PLA2G4F: variants seen among roughly 807,000 people sequenced by gnomAD.
The protein encoded by PLA2G4F is cytosolic phospholipase A2 zeta.
Under a neutral mutation model 103.1 loss-of-function variants are expected in PLA2G4F, and 105 were observed. The observed-to-expected ratio is 1.02, with a 90% CI of 0.87 to 1.20. The LOEUF (loss-of-function observed/expected upper bound fraction) is 1.20, where lower values mean the gene tolerates loss of function less well. Among genes scored for constraint, PLA2G4F ranks in the 50% most tolerant of loss-of-function variants. The pLI, the probability that PLA2G4F is intolerant of heterozygous loss-of-function variation, is 0.00. For synonymous variants in PLA2G4F, 468 were observed against 441.1 expected, an observed-to-expected ratio of 1.06 and a Z score of -0.76; for missense variants, 1,155 against 1,075.9, an observed-to-expected ratio of 1.07 and a Z score of -1.03.
intron 11 of PLA2G4F, chr15:42,149,227 C>T: frequency 3.2e-6 from 3 of 925,254 alleles, no homozygotes; most frequent in Non-Finnish European, 2.6e-6. Context: ...ACAGGGCCTA[C>T]AAGGAGGTAA....
chr15:42,154,181 C>G lies in PLA2G4F; in HGVS notation c.361G>C (p.Gly121Arg). The change falls in exon 4 of 20, where the codon GGC becomes CGC. Residue 121 changes from glycine (G) to arginine (R), a missense_variant. Coordinates refer to ENST00000397272, the MANE Select transcript of PLA2G4F (RefSeq NM_213600.4). ...ELTLYDKDILGSDQLSLLLFD... is the reference protein window; with the variant it reads ...ELTLYDKDILRSDQLSLLLFD... ...AGGAGCAGAGAGAGCTGGTCGCTGC[C>G]CAGGATGTCCTTGTCATAGAGGGTG... 1 of 1,614,172 alleles carries G rather than the reference C, an allele frequency of 6.2e-7. No individual in the cohort carries two copies. The highest frequency in any genetic ancestry group is 1.1e-5 in the South Asian group (1 of 91,082).
intron 7 of PLA2G4F, 28 bp from the exon 8 acceptor site, chr15:42,150,805 G>T: frequency 6.3e-7 from 1 of 1,593,534 alleles, no homozygotes; most frequent in Non-Finnish European, 8.5e-7. Context: ...AGGTGGGTGC[G>T]CAGGTGAGGG....
rs751457985 is a variant in PLA2G4F at position 42,145,797 on chromosome 15, G to C, written c.1641C>G (p.Leu547=). ...SELFMGRLLQ[L]QPEPRICYLQ... ...GGTAACAGATCCGGGGTTCAGGCTG[G>C]AGCTGCAGCAATCGTCCCATGAAGA... is the stretch of plus-strand genomic sequence containing the variant. The change falls in exon 15 of 20, where the codon CTC becomes CTG. Residue 547 remains leucine (L), a synonymous_variant. Transcript: ENST00000397272. 6.2e-7 allele frequency: 1 copy of C among 1,614,124 alleles called. No individual in the cohort carries two copies.
rs1253285441 is a variant in PLA2G4F at position 42,140,028 on chromosome 15, T to C, written c.*1956A>G. 6.6e-6 allele frequency: 1 copy of C among 152,230 alleles called. No homozygotes were observed. The highest frequency in any genetic ancestry group is 6.5e-5 in the Admixed American group (1 of 15,278). The allele number at this position is 152,230 out of a possible 1,614,324, so 9.4% of individuals were successfully genotyped here. A position where few individuals can be genotyped will look rare whatever the true frequency, so the allele number is the denominator to read the frequency against. On this transcript the variant is annotated 3_prime_UTR_variant, in exon 20 of 20. Transcript: ENST00000397272. ...GCAGAGACCTTATTGTAAGCAACTT[T>C]TCATGTGTGTGTGTATGCCTTTTTC...
At chr15:42,151,506 G>A (rs1355337013) in intron 7 of PLA2G4F, 1 of 985,150 alleles carries the variant, frequency 1.0e-6, no homozygotes, top group Non-Finnish European at 1.2e-6. Flanking sequence ...AGCCTCCCAG[G>A]AGTCCCAGCC....
rs762324472 is a variant in PLA2G4F, at chr15:42,144,551, A to G, written c.1874T>C (p.Ile625Thr). 1.9e-6 allele frequency: 3 copies of G among 1,613,108 alleles called. No individual in the cohort carries two copies. The highest frequency in any genetic ancestry group is 1.1e-5 in the South Asian group (1 of 91,024). ...QGPFSQAVLD[I>T]FTSRFTSAQS... ...GGCGGAAGTGAAGCGGGAGGTGAAT[A>G]TGTCCAGCACAGCCTGGGAGAAGGG... The change falls in exon 17 of 20, where the codon ATA (isoleucine) becomes ACA (threonine). Residue 625 changes from isoleucine to threonine, a missense_variant. By Grantham distance (89) the Ile-to-Thr change is moderately conservative. Transcript: ENST00000397272.
rs545037780 is a variant in PLA2G4F, at chr15:42,141,272, G to C, written c.*712C>G. The stretch of plus-strand genomic sequence containing the variant: ...ACACATCACCAGAGACTGTGGTCCA[G>C]GTTCGAAGAGTGAAGCCTGGGTAAC... On this transcript the variant is annotated 3_prime_UTR_variant, in exon 20 of 20. Coordinates refer to ENST00000397272, the MANE Select transcript of PLA2G4F (RefSeq NM_213600.4). 12 of 456,756 alleles carry C rather than the reference G, an allele frequency of 2.6e-5. No individual in the cohort carries two copies. The highest frequency in any genetic ancestry group is 2.2e-4 in the African/African-American group (11 of 50,208). The allele number at this position is 456,756 out of a possible 1,614,324, so 28.3% of individuals were successfully genotyped here. A position where few individuals can be genotyped will look rare whatever the true frequency, so the allele number is the denominator to read the frequency against.
rs1566878458 is a variant in PLA2G4F, at chr15:42,145,699, GC to G, written c.1673-18del. The G allele has an allele frequency of 1.9e-6, 3 of 1,613,692 alleles. No homozygotes were observed. Among genetic ancestry groups the G allele is most frequent in the East Asian group, 2.2e-5 (1 of 44,874 alleles). On this transcript the variant is annotated intron_variant, in intron 15 of 19. Coordinates refer to ENST00000397272, the MANE Select transcript of PLA2G4F (RefSeq NM_213600.4). The stretch of plus-strand genomic sequence containing the variant: ...CCCACATACCTAAGGAGACAGGCAG[GC>G]CCCCACCCCACGTCAGGGCCTGGCC...
In PLA2G4F at chr15:42,142,202, C is replaced by T. The variant is rs1326872126; in HGVS notation, c.2332G>A (p.Val778Met). 2 of 1,609,634 alleles carry T rather than the reference C, an allele frequency of 1.2e-6. No individual in the cohort carries two copies. Among genetic ancestry groups the T allele is most frequent in the East Asian group, 2.2e-5 (1 of 44,850 alleles). The change falls in exon 20 of 20, where the codon GTG becomes ATG. Residue 778 changes from valine (V) to methionine (M), a missense_variant and splice_region_variant. Val to Met is a conservative substitution (Grantham distance 21, BLOSUM62 1). Around this residue, in one of 3 missense-constraint regions of PLA2G4F, gnomAD observed 782 missense variants for 692.9 expected, o/e 1.13. Coordinates refer to ENST00000397272, the MANE Select transcript of PLA2G4F (RefSeq NM_213600.4). ...RTFRTHLAPG[V>M]ERQTAEEKAF... ...TTCTCCTCAGCTGTTTGTCGCTCCA[C>T]ACCTGTGGGTGGGGGAAGCAGAGGA...
intron 11 of PLA2G4F, among the ~76,000 whole-genome samples, chr15:42,148,002 C>A (rs2048912331): frequency 6.6e-6 from 1 of 151,966 alleles, no homozygotes; most frequent in South Asian, 2.1e-4. Flanking sequence ...CACGGTGAAA[C>A]CCCGTCTCTA....
rs375298437 is a variant in PLA2G4F at position 42,152,781 on chromosome 15, C to A, written c.535-27G>T. 11 of 1,549,480 alleles carry A rather than the reference C, an allele frequency of 7.1e-6. No homozygotes were observed. In the African/African-American group the frequency reaches 1.2e-4, roughly 17 times the overall value. The stretch of plus-strand genomic sequence containing the variant: ...TGAGGAAAGCAGAGGCCTGTAGGAG[C>A]CAGACAGCCCACGGCCCCAGCCAGG... On this transcript the variant is annotated intron_variant, in intron 6 of 19. Transcript: ENST00000397272.
chr15:42,150,282 C>A, intron 9 of PLA2G4F, 91 bp downstream of exon 9: 1 of 1,533,796 alleles, frequency 6.5e-7, no homozygotes, highest in East Asian at 2.3e-5. Flanking sequence ...CTGACCTGAT[C>A]CAGCCACCCT....
At chr15:42,143,547 A>T (rs765798666) in intron 18 of PLA2G4F, among the ~76,000 whole-genome samples, 50 of 152,138 alleles carry the variant, frequency 3.3e-4, no homozygotes, top group Non-Finnish European at 5.3e-4. Context: ...CCCAGCAGAG[A>T]TGGAGGGACT....
chr15:42,147,277 G>C lies in PLA2G4F; in HGVS notation c.1266C>G (p.Ala422=). The change falls in exon 13 of 20, where the codon GCC becomes GCG. Residue 422 remains alanine, a synonymous_variant. Coordinates refer to ENST00000397272, the MANE Select transcript of PLA2G4F (RefSeq NM_213600.4). The part of the protein sequence containing the change: ...QVALQGPIER[A]QVHVCSSKMG... ...TCTTACTGCTGCAGACGTGAACCTGGGCACGCTCAATGGGGCCCTGCAAGG... is the reference window on the plus strand; with the variant it reads ...TCTTACTGCTGCAGACGTGAACCTGCGCACGCTCAATGGGGCCCTGCAAGG... The C allele has an allele frequency of 6.2e-7, 1 of 1,611,532 alleles. No individual in the cohort carries two copies. The highest frequency in any genetic ancestry group is 8.5e-7 in the Non-Finnish European group (1 of 1,179,978).
rs139119789 is a variant in PLA2G4F at position 42,150,598 on chromosome 15, G to T, written c.771+10C>A. The T allele has an allele frequency of 1.2e-3, 1,897 of 1,600,566 alleles. 25 individuals carry two copies. The African/African-American group carries it at 0.023, about 19-fold the overall frequency. On this transcript the variant is annotated intron_variant, in intron 8 of 19. Transcript: ENST00000397272. The stretch of plus-strand genomic sequence containing the variant: ...GTTGGATCTACCGACCATCCTGGCG[G>T]CGCACTCACCTGCACAGCTGCCAGC...
In PLA2G4F at chr15:42,142,033, AG is replaced by A. The variant is rs746388146; in HGVS notation, c.2500del (p.Leu834SerfsTer38). 1.9e-6 allele frequency: 3 copies of A among 1,613,962 alleles called. No individual in the cohort carries two copies. On this transcript the variant is annotated frameshift_variant, in exon 20 of 20. Coordinates refer to ENST00000397272, the MANE Select transcript of PLA2G4F (RefSeq NM_213600.4). LOFTEE classifies it high-confidence loss of function. ...LNNVETLKCA[L>X]QLALDRHQAR... The stretch of plus-strand genomic sequence containing the variant: ...CTGGTGCCGGTCCAGAGCCAGCTGG[AG>A]GGCGCACTTCAAGGTCTCCACGTTG...
Position 42,142,538 on chromosome 15 carries a change from G to T in PLA2G4F, c.2319C>A (p.His773Gln), listed in dbSNP as rs765059580. 3.1e-6 allele frequency: 5 copies of T among 1,613,304 alleles called. No individual in the cohort carries two copies. The East Asian group carries it at 6.7e-5, about 22-fold the overall frequency. Residue 773 changes from histidine (H) to glutamine (Q), a missense_variant, in exon 19 of 20, where the codon CAC becomes CAA. His to Gln is a conservative substitution (Grantham distance 24). Coordinates refer to ENST00000397272, the MANE Select transcript of PLA2G4F (RefSeq NM_213600.4). Reference sequence around the variant, plus strand: ...TGGAGCTTCCCTTACCTGGGGCCAGGTGTGTGCGGAAGGTACGGTTAACCA... The same window carrying T: ...TGGAGCTTCCCTTACCTGGGGCCAGTTGTGTGCGGAAGGTACGGTTAACCA... ...FPLVNRTFRT[H>Q]LAPGVERQTA...
chr15:42,144,577 C>G lies in PLA2G4F; in HGVS notation c.1848G>C (p.Gly616=), dbSNP rs201766447. The change falls in exon 17 of 20, where the codon GGG becomes GGC. Residue 616 remains glycine, a synonymous_variant. Transcript: ENST00000397272. ...RLRTRLLTPQ[G]PFSQAVLDIF... is the part of the protein sequence containing the mutation. ...TGTCCAGCACAGCCTGGGAGAAGGG[C>G]CCCTGTGGGGTGAGGAGCCTCGTTC... 8.1e-6 allele frequency: 13 copies of G among 1,613,122 alleles called. No individual in the cohort carries two copies. The highest frequency in any genetic ancestry group is 8.5e-6 in the Non-Finnish European group (10 of 1,179,854).
chr15:42,156,097 C>T (rs1292475972), intron 1 of PLA2G4F, among the ~76,000 whole-genome samples: 1 of 152,140 alleles, frequency 6.6e-6, no homozygotes, highest in Admixed American at 6.5e-5. Flanking sequence ...CAGATTGCAG[C>T]TGGGCTTAGG....
Sources: allele counts gnomAD v4.1 joint callset (sites outside exome capture counted in the v4.1 genomes callset), GRCh38; gene constraint gnomAD v4.1.1; regional missense constraint gnomAD v4.1.1; transcripts MANE v1.5; gene names NCBI Gene and HGNC (gene_info 2026-07-23, HGNC 2026-07-21).